ZDHHC7: variants seen among roughly 807,000 people sequenced by gnomAD.
The protein encoded by ZDHHC7 is palmitoyltransferase ZDHHC7.
ZDHHC7 carries 12 observed loss-of-function variants against 34.1 expected under a neutral mutation model. The observed-to-expected ratio is 0.35, with a 90% CI of 0.23 to 0.57. The LOEUF (loss-of-function observed/expected upper bound fraction) is 0.57, where lower values mean the gene tolerates loss of function less well. Ranked by LOEUF, ZDHHC7 falls within the 20% of genes least tolerant of loss-of-function variation. The pLI is 0.84. For missense variants in ZDHHC7, 388 were observed against 402.7 expected (o/e 0.96, Z 0.31); for synonymous variants, 185 against 155.4 (o/e 1.19, Z -1.42).
chr16:85,009,895 A>G (rs569535194), intron 1 of ZDHHC7, among the ~76,000 whole-genome samples: 1 of 151,828 alleles, frequency 6.6e-6, no homozygotes, highest in East Asian at 1.9e-4. Context: ...TTTTTAGTAG[A>G]CATGGGGTTT....
At chr16:85,016,059 C>G (rs1324154581), upstream of ZDHHC7, among the ~76,000 whole-genome samples, 2 of 152,166 alleles carry the variant, frequency 1.3e-5, no homozygotes, top group Non-Finnish European at 2.9e-5. Context: ...ATTTCCACCC[C>G]CCCAACCACG....
intron 4 of ZDHHC7, among the ~76,000 whole-genome samples, chr16:84,979,949 C>CTTTTT (rs561019555): frequency 1.0e-4 from 10 of 96,010 alleles, no homozygotes; most frequent in Admixed American, 2.7e-4. Flanking sequence ...ATAGCGTCAC[C>CTTTTT]TTTTTTTTTT....
chr16:84,980,086 G>C (rs537590396), intron 4 of ZDHHC7, among the ~76,000 whole-genome samples: 4 of 149,614 alleles, frequency 2.7e-5, no homozygotes, highest in African/African-American at 9.8e-5. Flanking sequence ...TCAGCCTCCC[G>C]AGTAGCTGGG....
the ZDHHC7 span, among the ~76,000 whole-genome samples, chr16:85,024,617 G>A: frequency 2.0e-5 from 3 of 152,326 alleles, no homozygotes; most frequent in East Asian, 3.9e-4. Flanking sequence ...AATGTCATGA[G>A]ATATGTCGGC....
intron 2 of ZDHHC7, among the ~76,000 whole-genome samples, chr16:84,992,871 A>C (rs1477911845): frequency 1.3e-5 from 2 of 152,212 alleles, no homozygotes; most frequent in Admixed American, 1.3e-4. Flanking sequence ...GGAACATAGC[A>C]ATTATGAAAA....
intron 3 of ZDHHC7, among the ~76,000 whole-genome samples, chr16:84,982,773 C>T (rs1346126283): frequency 1.3e-5 from 2 of 152,270 alleles, no homozygotes; most frequent in Non-Finnish European, 2.9e-5. Context: ...GAAACTTGAA[C>T]ATGCATCCAT....
At chr16:84,983,266 G>A (rs890845212) in intron 3 of ZDHHC7, among the ~76,000 whole-genome samples, 3 of 152,230 alleles carry the variant, frequency 2.0e-5, no homozygotes, top group Admixed American at 6.5e-5. Flanking sequence ...TAACAGCCTG[G>A]GAGATGGCAG....
intron 1 of ZDHHC7, among the ~76,000 whole-genome samples, chr16:85,000,238 G>A (rs1202936594): frequency 2.0e-5 from 3 of 152,094 alleles, no homozygotes; most frequent in East Asian, 3.9e-4. Context: ...AGGTATGTAC[G>A]GCCGGTGTGA....
chr16:84,979,114 T>A, intron 5 of ZDHHC7, 75 bp downstream of exon 5: 1 of 1,435,282 alleles, frequency 7.0e-7, no homozygotes, highest in South Asian at 1.4e-5. Flanking sequence ...TTAGTAGATT[T>A]CTCTGCTCCA....
At chr16:85,018,767 A>C in the ZDHHC7 span, among the ~76,000 whole-genome samples, 1 of 151,946 alleles carries the variant, frequency 6.6e-6, no homozygotes, top group Admixed American at 6.6e-5. Flanking sequence ...TCTCTATTTC[A>C]AGTAGATGCT....
Position 84,981,881 on chromosome 16 carries a change from G to A in ZDHHC7, c.429C>T (p.Ala143=). The A allele has an allele frequency of 1.9e-6, 3 of 1,614,100 alleles. No homozygotes were observed. Among genetic ancestry groups the A allele is most frequent in the Non-Finnish European group, 2.5e-6 (3 of 1,180,016 alleles). ...PKCCCIKPER[A]HHCSICKRCI... is the part of the protein sequence containing the mutation. ...AGCAGCGCACGTACCTGCAGTGGTG[G>A]GCGCGCTCGGGTTTAATACAGCAGC... Residue 143 remains alanine, a synonymous_variant, in exon 4 of 8, where the codon GCC becomes GCT. Coordinates refer to ENST00000313732, the MANE Select transcript of ZDHHC7 (RefSeq NM_017740.3).
At chr16:85,011,674 T>G (rs979365205), upstream of ZDHHC7, 1 of 152,178 alleles carries the variant, frequency 6.6e-6, no homozygotes, top group African/African-American at 2.4e-5. Context: ...CAGCTTTTAG[T>G]CACAGCCCCT....
chr16:84,990,973 T>C (rs1388296826), intron 2 of ZDHHC7, among the ~76,000 whole-genome samples: 2 of 150,966 alleles, frequency 1.3e-5, no homozygotes, highest in East Asian at 3.9e-4. Context: ...GGAGCTCTGC[T>C]GTATCACTGC....
In ZDHHC7 at chr16:84,990,310, G is replaced by A. The variant is rs758168383; in HGVS notation, c.309C>T (p.Thr103=). ...ALSSHLRTML[T]DPGAVPKGNA... ...AGACGCAGCCAGTACTCACAGGGTCGGTGAGCATGGTTCTCAGGTGGGATG... is the reference window on the plus strand; with the variant it reads ...AGACGCAGCCAGTACTCACAGGGTCAGTGAGCATGGTTCTCAGGTGGGATG... Residue 103 remains threonine (T), a synonymous_variant, in exon 3 of 8, where the codon ACC becomes ACT. Transcript: ENST00000313732. The A allele has an allele frequency of 6.8e-6, 11 of 1,613,542 alleles. No homozygotes were observed. The Admixed American group carries it at 8.3e-5, about 12-fold the overall frequency.
Position 84,979,292 on chromosome 16 carries a change from A to T in ZDHHC7, c.441-7T>A, listed in dbSNP as rs975273448. On this transcript the variant is annotated splice_polypyrimidine_tract_variant and splice_region_variant and intron_variant, in intron 4 of 7. Transcript: ENST00000313732. The stretch of plus-strand genomic sequence containing the variant: ...AATACATCTTTTGCAAATACTGAAA[A>T]GGAGAGTTTGATTTTTCAGTATTCC... The T allele has an allele frequency of 1.2e-5, 20 of 1,608,096 alleles. No individual in the cohort carries two copies. The highest frequency in any genetic ancestry group is 1.7e-5 in the Non-Finnish European group (20 of 1,178,804).
chr16:85,021,879 G>A, the ZDHHC7 span, among the ~76,000 whole-genome samples: 60 of 151,954 alleles, frequency 3.9e-4, no homozygotes, highest in African/African-American at 1.2e-3. Context: ...AAGACAGGCC[G>A]GGCGCAGTGG....
rs186236048 is a variant in ZDHHC7 at position 85,006,438 on chromosome 16, A to C, written c.-104+4848T>G. ...TAAAATAATATATAGGGCCAGGTGC[A>C]GTGGCACCGGTCTACCTGTAATCCC... is the stretch of plus-strand genomic sequence containing the variant. On this transcript the variant is annotated intron_variant, in intron 1 of 7. Transcript: ENST00000313732. 5.3e-5 allele frequency among the ~76,000 whole-genome samples: 8 copies of C among 152,312 alleles called. No individual in the cohort carries two copies. The East Asian group carries it at 1.5e-3, about 29-fold the overall frequency.
intron 1 of ZDHHC7, among the ~76,000 whole-genome samples, chr16:84,996,303 G>A (rs1010371816): frequency 6.6e-5 from 10 of 152,110 alleles, no homozygotes; most frequent in Non-Finnish European, 1.3e-4. Flanking sequence ...AAATCCCCTA[G>A]GGCAGACCAA....
At chr16:84,986,743 G>A (rs2072442001) in intron 3 of ZDHHC7, among the ~76,000 whole-genome samples, 1 of 152,066 alleles carries the variant, frequency 6.6e-6, no homozygotes, top group South Asian at 2.1e-4. Context: ...TATTGTCCAG[G>A]GCAATCCCAG....
Sources: allele counts gnomAD v4.1 joint callset (sites outside exome capture counted in the v4.1 genomes callset), GRCh38; gene constraint gnomAD v4.1.1; transcripts MANE v1.5; gene names NCBI Gene and HGNC (gene_info 2026-07-23, HGNC 2026-07-21).